Variants in PRKACB observed in about 807,000 individuals in gnomAD.
PRKACB encodes the protein cAMP-dependent protein kinase catalytic subunit beta.
A neutral mutation model predicts 51.4 loss-of-function variants in PRKACB; 16 were observed. That is an observed-to-expected ratio of 0.31 (90% CI 0.21 to 0.47). The LOEUF (loss-of-function observed/expected upper bound fraction) is 0.47, where lower values mean the gene tolerates loss of function less well. Among genes scored for constraint, PRKACB ranks in the 20% least tolerant of loss-of-function variants. The pLI, the probability that PRKACB is intolerant of heterozygous loss-of-function variation, is 1.00. For missense variants in PRKACB, 309 were observed against 464.5 expected (o/e 0.67, Z 3.08); for synonymous variants, 147 against 154.4 (o/e 0.95, Z 0.35).
intron 1 of PRKACB, among the ~76,000 whole-genome samples, chr1:84,163,297 A>G (rs957242797): frequency 2.0e-5 from 3 of 152,018 alleles, no homozygotes; most frequent in Non-Finnish European, 2.9e-5. Context: ...AGGTGGGCAG[A>G]CTGGGTGGCC....
chr1:84,217,766 C>T (rs1212318035), intron 9 of PRKACB, among the ~76,000 whole-genome samples: 2 of 152,166 alleles, frequency 1.3e-5, no homozygotes, highest in Non-Finnish European at 2.9e-5. Flanking sequence ...GCACTCCAGC[C>T]TGGGCTACAG....
intron 1 of PRKACB, among the ~76,000 whole-genome samples, chr1:84,146,634 T>C (rs1352562479): frequency 6.6e-6 from 1 of 151,974 alleles, no homozygotes; most frequent in Admixed American, 6.6e-5. Flanking sequence ...TGATAAACAC[T>C]GAATATGTTT....
At chr1:84,166,084 A>C (rs1409640747) in intron 1 of PRKACB, among the ~76,000 whole-genome samples, 2 of 151,694 alleles carry the variant, frequency 1.3e-5, no homozygotes, top group African/African-American at 4.8e-5. Flanking sequence ...TAAACCTCTT[A>C]AACACTGTTA....
intron 1 of PRKACB, among the ~76,000 whole-genome samples, chr1:84,086,542 T>G (rs1433560369): frequency 6.6e-6 from 1 of 152,204 alleles, no homozygotes; most frequent in Non-Finnish European, 1.5e-5. Flanking sequence ...TCCTCATCTC[T>G]GGTCCCTTCC....
intron 1 of PRKACB, chr1:84,086,119 G>A: frequency 6.5e-7 from 1 of 1,547,442 alleles, no homozygotes; most frequent in Non-Finnish European, 8.9e-7. Context: ...TTGAGTATGA[G>A]GTGTTGGTGG....
At chr1:84,177,671 G>A (rs1191848577) in intron 1 of PRKACB, among the ~76,000 whole-genome samples, 5 of 152,042 alleles carry the variant, frequency 3.3e-5, no homozygotes, top group Non-Finnish European at 7.4e-5. Context: ...GAGCCTAGTA[G>A]TCTGAGGCTC....
intron 1 of PRKACB, among the ~76,000 whole-genome samples, chr1:84,171,828 C>T (rs967600764): frequency 3.3e-5 from 5 of 151,322 alleles, no homozygotes; most frequent in African/African-American, 1.2e-4. Flanking sequence ...GCAAGATTGC[C>T]AGATATTAAA....
At chr1:84,167,029 A>G (rs1234811613) in intron 1 of PRKACB, among the ~76,000 whole-genome samples, 1 of 151,536 alleles carries the variant, frequency 6.6e-6, no homozygotes, top group Non-Finnish European at 1.5e-5. Context: ...GTCATTTCTA[A>G]CTTGTTTCTT....
intron 1 of PRKACB, among the ~76,000 whole-genome samples, chr1:84,127,949 C>T (rs1047492852): frequency 6.6e-6 from 1 of 150,874 alleles, no homozygotes; most frequent in Non-Finnish European, 1.5e-5. Flanking sequence ...AGGCTTTGCT[C>T]AGGATTCCTC....
At chr1:84,227,094 AG>A (rs1558336351) in intron 9 of PRKACB, among the ~76,000 whole-genome samples, 1 of 152,136 alleles carries the variant, frequency 6.6e-6, no homozygotes, top group Non-Finnish European at 1.5e-5. Context: ...TTACTTCTGT[AG>A]TCATAAGTTT....
intron 1 of PRKACB, among the ~76,000 whole-genome samples, chr1:84,156,403 C>G (rs1299357771): frequency 6.6e-6 from 1 of 152,176 alleles, no homozygotes; most frequent in Non-Finnish European, 1.5e-5. Flanking sequence ...TGCCACTGAT[C>G]CTTGCGGAGA....
intron 8 of PRKACB, among the ~76,000 whole-genome samples, chr1:84,212,979 A>C (rs1404025216): frequency 6.6e-6 from 1 of 152,158 alleles, no homozygotes; most frequent in African/African-American, 2.4e-5. Flanking sequence ...AACTGAGGTA[A>C]TGTAATGATG....
chr1:84,197,907 C>G (rs1668656094), intron 7 of PRKACB, 83 bp downstream of exon 7: 3 of 921,712 alleles, frequency 3.3e-6, no homozygotes, highest in Non-Finnish European at 4.9e-6. Flanking sequence ...GTTTATTGAT[C>G]TAATTTTACA....
intron 9 of PRKACB, among the ~76,000 whole-genome samples, chr1:84,214,740 C>T (rs2101583412): frequency 6.6e-6 from 1 of 152,166 alleles, no homozygotes; most frequent in South Asian, 2.1e-4. Flanking sequence ...AGTGATCTGC[C>T]CACCTCGGCC....
intron 8 of PRKACB, among the ~76,000 whole-genome samples, chr1:84,212,078 A>C (rs937612094): frequency 6.6e-6 from 1 of 152,200 alleles, no homozygotes; most frequent in African/African-American, 2.4e-5. Flanking sequence ...TAATGATTTC[A>C]ATTTACAGTA....
At chr1:84,109,228 C>T (rs1048044880) in intron 1 of PRKACB, among the ~76,000 whole-genome samples, 3 of 151,770 alleles carry the variant, frequency 2.0e-5, no homozygotes, top group African/African-American at 4.8e-5. Context: ...CACATTTTGG[C>T]GAACATATGT....
intron 8 of PRKACB, among the ~76,000 whole-genome samples, chr1:84,210,873 C>G (rs979838409): frequency 6.6e-6 from 1 of 152,098 alleles, no homozygotes; most frequent in African/African-American, 2.4e-5. Flanking sequence ...AAGGAAATTA[C>G]ATTTCAGGTT....
At chr1:84,151,030 A>G (rs1326033006) in intron 1 of PRKACB, among the ~76,000 whole-genome samples, 5 of 152,328 alleles carry the variant, frequency 3.3e-5, no homozygotes, top group Admixed American at 2.0e-4. Flanking sequence ...TGAAATGACT[A>G]AAACAAATGA....
chr1:84,092,898 T>C (rs1648597160), intron 1 of PRKACB, among the ~76,000 whole-genome samples: 1 of 151,692 alleles, frequency 6.6e-6, no homozygotes, highest in Non-Finnish European at 1.5e-5. Context: ...TTTTTTTTTT[T>C]CAGGTATTTC....
Sources: allele counts gnomAD v4.1 joint callset (sites outside exome capture counted in the v4.1 genomes callset), GRCh38; gene constraint gnomAD v4.1.1; transcripts MANE v1.5; gene names NCBI Gene and HGNC (gene_info 2026-07-23, HGNC 2026-07-21).